Variants in PLD5 observed in about 807,000 individuals in gnomAD.
PLD5 encodes phospholipase D family member 5.
Under a neutral mutation model 61.1 loss-of-function variants are expected in PLD5, and 36 were observed. The observed-to-expected ratio is 0.59, with a 90% CI of 0.45 to 0.78. PLD5 has a LOEUF of 0.78. PLD5 is among the 30% of genes least tolerant of loss of function. The pLI, the probability that PLD5 is intolerant of heterozygous loss-of-function variation, is 0.00. For missense variants in PLD5, 515 were observed against 644.4 expected (o/e 0.80, Z 2.17); for synonymous variants, 243 against 242.8 (o/e 1.00, Z -0.01).
chr1:242,283,629 T>G (rs1162212243), intron 3 of PLD5, among the ~76,000 whole-genome samples: 2 of 152,238 alleles, frequency 1.3e-5, no homozygotes, highest in African/African-American at 2.4e-5. Flanking sequence ...AGGATAGTGT[T>G]TGGCACCAGA....
At chr1:242,438,926 G>C (rs1042204662) in intron 1 of PLD5, among the ~76,000 whole-genome samples, 7 of 151,036 alleles carry the variant, frequency 4.6e-5, no homozygotes, top group Admixed American at 2.7e-4. Flanking sequence ...TTCACAGCCA[G>C]CTGCCCCTTC....
intron 1 of PLD5, among the ~76,000 whole-genome samples, chr1:242,522,241 C>A (rs1484386452): frequency 6.6e-6 from 1 of 152,156 alleles, no homozygotes; most frequent in East Asian, 1.9e-4. Context: ...GTATGCAATG[C>A]TCTCTTTTGG....
chr1:242,444,263 C>T (rs1666403985), intron 1 of PLD5, among the ~76,000 whole-genome samples: 1 of 152,146 alleles, frequency 6.6e-6, no homozygotes, highest in African/African-American at 2.4e-5. Context: ...CTTGTCACCA[C>T]AATACTTCTT....
intron 1 of PLD5, among the ~76,000 whole-genome samples, chr1:242,508,911 T>C (rs928859181): frequency 6.6e-6 from 1 of 152,098 alleles, no homozygotes; most frequent in Non-Finnish European, 1.5e-5. Context: ...GAAAACCCCA[T>C]CTCTACTAAA....
intron 2 of PLD5, among the ~76,000 whole-genome samples, chr1:242,289,001 T>C (rs1045161084): frequency 1.3e-5 from 2 of 152,162 alleles, no homozygotes; most frequent in African/African-American, 4.8e-5. Context: ...ATAAATGCAG[T>C]AATTATTGCT....
chr1:242,320,845 T>C (rs1658348774), intron 2 of PLD5, among the ~76,000 whole-genome samples: 1 of 152,044 alleles, frequency 6.6e-6, no homozygotes, highest in African/African-American at 2.4e-5. Context: ...GGGGCCTGGG[T>C]AGCAATATTT....
chr1:242,189,463 A>G lies in PLD5; in HGVS notation c.735+30525T>C, dbSNP rs1340424669. ...TCCATCTCAAAAAAAAAAAAAAAAA[A>G]AAAAAGGATTTTAGAGCTCTGTCCA... On this transcript the variant is annotated intron_variant, in intron 5 of 9. Coordinates refer to ENST00000536534, the MANE Select transcript of PLD5 (RefSeq NM_001372062.1). Among the ~76,000 whole-genome samples the G allele has an allele frequency of 4.0e-5, 6 of 148,828 alleles. No individual in the cohort carries two copies. In the East Asian group the frequency reaches 1.2e-3, roughly 29 times the overall value.
chr1:242,162,452 T>C (rs1424295701), intron 5 of PLD5, among the ~76,000 whole-genome samples: 2 of 152,206 alleles, frequency 1.3e-5, no homozygotes, highest in Non-Finnish European at 2.9e-5. Flanking sequence ...TCAGTCACTC[T>C]GTAACCGAGA....
intron 1 of PLD5, among the ~76,000 whole-genome samples, chr1:242,434,325 C>G (rs1297520404): frequency 1.3e-5 from 2 of 152,172 alleles, no homozygotes; most frequent in Non-Finnish European, 2.9e-5. Context: ...TGCTTTCTAG[C>G]CTGAGCTACT....
At chr1:242,419,199 G>A (rs575549687) in intron 1 of PLD5, among the ~76,000 whole-genome samples, 12 of 152,140 alleles carry the variant, frequency 7.9e-5, no homozygotes, top group African/African-American at 2.4e-4. Context: ...TGAGATGGGC[G>A]CCTGGGTGGC....
chr1:242,391,039 C>CA (rs997146927), intron 1 of PLD5, among the ~76,000 whole-genome samples: 1 of 151,850 alleles, frequency 6.6e-6, no homozygotes, highest in African/African-American at 2.4e-5. Flanking sequence ...AAAAAAAATA[C>CA]AAAAAATTAG....
chr1:242,302,036 C>T (rs1676079942), intron 2 of PLD5, among the ~76,000 whole-genome samples: 1 of 152,232 alleles, frequency 6.6e-6, no homozygotes, highest in South Asian at 2.1e-4. Flanking sequence ...CCACCTTGGT[C>T]TCCCAAAGTG....
intron 5 of PLD5, among the ~76,000 whole-genome samples, chr1:242,199,798 A>T (rs1668871032): frequency 6.6e-6 from 1 of 151,832 alleles, no homozygotes; most frequent in East Asian, 1.9e-4. Context: ...TGTTTCACTT[A>T]AGATAATGGC....
intron 5 of PLD5, among the ~76,000 whole-genome samples, chr1:242,162,180 GTCAAAA>G (rs1558289530): frequency 3.3e-5 from 5 of 152,108 alleles, no homozygotes; most frequent in Non-Finnish European, 5.9e-5. Flanking sequence ...CAATTAAAAT[GTCAAAA>G]GATTGACATC....
intron 1 of PLD5, among the ~76,000 whole-genome samples, chr1:242,462,763 C>T (rs1459599111): frequency 6.6e-6 from 1 of 152,092 alleles, no homozygotes; most frequent in Non-Finnish European, 1.5e-5. Flanking sequence ...TCCTCACTGC[C>T]ACTTTGAGAC....
intron 5 of PLD5, among the ~76,000 whole-genome samples, chr1:242,130,769 G>A (rs1379525821): frequency 6.6e-6 from 1 of 152,162 alleles, no homozygotes; most frequent in Non-Finnish European, 1.5e-5. Flanking sequence ...TCACACAGTT[G>A]ATTTATGCAG....
chr1:242,222,407 C>G (rs1459898648), intron 4 of PLD5, among the ~76,000 whole-genome samples: 1 of 152,182 alleles, frequency 6.6e-6, no homozygotes, highest in Non-Finnish European at 1.5e-5. Flanking sequence ...CTGGGAGGAA[C>G]AGAATGAAGG....
intron 1 of PLD5, among the ~76,000 whole-genome samples, chr1:242,496,543 T>C (rs925739029): frequency 3.3e-5 from 5 of 152,364 alleles, no homozygotes; most frequent in Admixed American, 6.5e-5. Flanking sequence ...TTGCACTTCA[T>C]TAGACTTTGC....
intron 1 of PLD5, among the ~76,000 whole-genome samples, chr1:242,437,994 T>G (rs1206796293): frequency 6.6e-6 from 1 of 152,176 alleles, no homozygotes; most frequent in Non-Finnish European, 1.5e-5. Context: ...TTTTAAAAAT[T>G]TGCACTTGTT....
Sources: gnomAD v4.1 joint callset for allele counts (sites outside exome capture counted in the v4.1 genomes callset) on GRCh38, gnomAD v4.1.1 for gene constraint, MANE v1.5 for transcripts, NCBI Gene and HGNC (gene_info 2026-07-23, HGNC 2026-07-21) for gene names.